The following FTO variants were observed in gnomAD, a reference collection of about 807,000 sequenced individuals.
FTO encodes the protein alpha-ketoglutarate-dependent dioxygenase FTO.
Under a neutral mutation model 63.9 loss-of-function variants are expected in FTO, and 47 were observed. The observed-to-expected ratio is 0.74, with a 90% CI of 0.58 to 0.94. The LOEUF (loss-of-function observed/expected upper bound fraction) is 0.94, where lower values mean the gene tolerates loss of function less well. FTO is among the 40% of genes least tolerant of loss of function. The pLI is 0.00. For synonymous variants in FTO, 207 were observed against 224.4 expected (o/e 0.92, Z 0.69); for missense variants, 562 against 618.1 (o/e 0.91, Z 0.96).
intron 1 of FTO, among the ~76,000 whole-genome samples, chr16:53,785,617 G>C (rs1470406424): frequency 6.6e-6 from 1 of 152,004 alleles, no homozygotes; most frequent in East Asian, 1.9e-4. Flanking sequence ...GACTTGCTAT[G>C]ATTAAGAAAG....
chr16:53,870,497 A>G (rs947473503), intron 4 of FTO, among the ~76,000 whole-genome samples: 2 of 152,150 alleles, frequency 1.3e-5, no homozygotes, highest in Admixed American at 1.3e-4. Flanking sequence ...ACTCTGATAA[A>G]TTGTCATCTC....
chr16:53,979,575 G>A (rs150369503), intron 8 of FTO: 4,837 of 393,074 alleles, frequency 0.012, 70 homozygotes, highest in Non-Finnish European at 0.013. Context: ...GTGCGCGCGT[G>A]TGTGAATTTC....
intron 1 of FTO, among the ~76,000 whole-genome samples, chr16:53,797,097 G>T (rs1264796099): frequency 1.3e-5 from 2 of 152,098 alleles, no homozygotes; most frequent in Non-Finnish European, 2.9e-5. Context: ...ATAGATTCTG[G>T]TTTTTTAGAG....
chr16:53,916,802 C>T (rs2081879403), intron 7 of FTO, among the ~76,000 whole-genome samples: 1 of 152,186 alleles, frequency 6.6e-6, no homozygotes, highest in South Asian at 2.1e-4. Flanking sequence ...AGCCTTAAAT[C>T]ATTATTTTCA....
intron 8 of FTO, among the ~76,000 whole-genome samples, chr16:54,059,388 G>A (rs2085516397): frequency 6.6e-6 from 1 of 152,146 alleles, no homozygotes; most frequent in South Asian, 2.1e-4. Flanking sequence ...CCCTCTTGGT[G>A]ACATTCCTGA....
chr16:53,849,173 T>C (rs1308674485), intron 4 of FTO, among the ~76,000 whole-genome samples: 2 of 152,200 alleles, frequency 1.3e-5, no homozygotes, highest in African/African-American at 4.8e-5. Context: ...ACTCACCGCA[T>C]TGTCAATTGC....
intron 4 of FTO, 35 bp from the exon 5 acceptor site, chr16:53,873,751 T>C: frequency 6.6e-7 from 1 of 1,515,318 alleles, no homozygotes; most frequent in Non-Finnish European, 9.2e-7. Flanking sequence ...GACTAATAAA[T>C]ATGGTTTTAT....
chr16:53,792,736 G>T (rs929279246), intron 1 of FTO, among the ~76,000 whole-genome samples: 7 of 152,184 alleles, frequency 4.6e-5, no homozygotes, highest in Admixed American at 2.0e-4. Context: ...AGATTTCAGG[G>T]TGGAAAGTAT....
At chr16:54,062,065 C>T (rs1354555583) in intron 8 of FTO, among the ~76,000 whole-genome samples, 1 of 152,186 alleles carries the variant, frequency 6.6e-6, no homozygotes, top group Non-Finnish European at 1.5e-5. Flanking sequence ...CCACAGGCAT[C>T]ACGTTGCTGT....
chr16:54,112,053 A>G lies in FTO; in HGVS notation c.*138A>G, dbSNP rs761153566. ...ACCCGGGTCCCAATCCAAAACAGCTAGGAAATGGTGCCCATGAAGTTTTAA... is the reference window on the plus strand; with the variant it reads ...ACCCGGGTCCCAATCCAAAACAGCTGGGAAATGGTGCCCATGAAGTTTTAA... On this transcript the variant is annotated 3_prime_UTR_variant, in exon 9 of 9. Coordinates refer to ENST00000471389, the MANE Select transcript of FTO (RefSeq NM_001080432.3). The G allele has an allele frequency of 2.3e-6, 2 of 864,098 alleles. No individual in the cohort carries two copies. The highest frequency in any genetic ancestry group is 3.9e-6 in the Non-Finnish European group (2 of 518,350). The allele number at this position is 864,098 out of a possible 1,614,324, so 53.5% of individuals were successfully genotyped here.
chr16:53,737,347 G>A (rs1247273506), intron 1 of FTO, among the ~76,000 whole-genome samples: 5 of 152,036 alleles, frequency 3.3e-5, no homozygotes, highest in Non-Finnish European at 5.9e-5. Context: ...GTTTCATCAT[G>A]TGAACGTCAT....
chr16:54,100,552 A>T (rs1184489139), intron 8 of FTO, among the ~76,000 whole-genome samples: 1 of 152,022 alleles, frequency 6.6e-6, no homozygotes, highest in African/African-American at 2.4e-5. Flanking sequence ...ATGGGGTTTC[A>T]CTATGTTGCC....
At chr16:54,055,129 C>T (rs186955087) in intron 8 of FTO, among the ~76,000 whole-genome samples, 31 of 152,272 alleles carry the variant, frequency 2.0e-4, no homozygotes, top group African/African-American at 4.6e-4. Flanking sequence ...ATTAAGTGGG[C>T]GACAGGGCCC....
chr16:53,974,846 A>G (rs2083400020), intron 8 of FTO, among the ~76,000 whole-genome samples: 1 of 152,004 alleles, frequency 6.6e-6, no homozygotes, highest in Non-Finnish European at 1.5e-5. Context: ...TGATGAAATA[A>G]TCTCCTCAAG....
rs75361495 is a variant in FTO at position 54,075,500 on chromosome 16, A to G, written c.1365-36262A>G. Among the ~76,000 whole-genome samples the G allele has an allele frequency of 1.8e-3, 275 of 152,340 alleles. 3 individuals are homozygous for G. The East Asian group carries it at 0.049, about 27-fold the overall frequency. The stretch of plus-strand genomic sequence containing the variant: ...TCAACTGAGCAATTAAAATCTCTAA[A>G]TAACGTTCTCTGAATTGTCAAACAA... On this transcript the variant is annotated intron_variant, in intron 8 of 8. Transcript: ENST00000471389.
intron 1 of FTO, among the ~76,000 whole-genome samples, chr16:53,754,571 G>A (rs1478776399): frequency 6.6e-6 from 1 of 152,156 alleles, no homozygotes. Flanking sequence ...CCGGAAGGTG[G>A]CAGTTGCAGT....
intron 1 of FTO, among the ~76,000 whole-genome samples, chr16:53,731,213 A>G (rs1413885498): frequency 6.6e-6 from 1 of 152,196 alleles, no homozygotes; most frequent in Non-Finnish European, 1.5e-5. Context: ...GAAGAAAGAG[A>G]TAGAAGGAAA....
intron 8 of FTO, among the ~76,000 whole-genome samples, chr16:54,101,728 G>A (rs987190176): frequency 5.3e-5 from 8 of 152,094 alleles, no homozygotes; most frequent in South Asian, 2.1e-4. Flanking sequence ...TAGCTCTTTC[G>A]GGAATTGCTA....
chr16:54,101,110 G>GT (rs1442046399), intron 8 of FTO, among the ~76,000 whole-genome samples: 2 of 148,888 alleles, frequency 1.3e-5, no homozygotes, highest in Non-Finnish European at 3.0e-5. Flanking sequence ...GAGGAACTGG[G>GT]TTTTTTTCTT....
Sources: gnomAD v4.1 joint callset for allele counts (sites outside exome capture counted in the v4.1 genomes callset) on GRCh38, gnomAD v4.1.1 for gene constraint, MANE v1.5 for transcripts, NCBI Gene and HGNC (gene_info 2026-07-23, HGNC 2026-07-21) for gene names.